PPFIA2: variants seen among roughly 807,000 people sequenced by gnomAD.
The protein encoded by PPFIA2 is PPFI scaffold protein A2.
In PPFIA2, 46 loss-of-function variants were observed where a neutral mutation model predicts 175.5. The ratio of observed to expected loss-of-function variants is 0.26; its 90% CI spans 0.21 to 0.34. The LOEUF is 0.34. Among genes scored for constraint, PPFIA2 ranks in the 10% least tolerant of loss-of-function variants. The pLI, the probability that PPFIA2 is intolerant of heterozygous loss-of-function variation, is 1.00. For synonymous variants in PPFIA2, 568 were observed against 511.4 expected, an observed-to-expected ratio of 1.11 and a Z score of -1.49; for missense variants, 1,179 against 1,506.1, an observed-to-expected ratio of 0.78 and a Z score of 3.60.
At chr12:81,535,554 C>A (rs924760852) in intron 4 of PPFIA2, 1 of 439,430 alleles carries the variant, frequency 2.3e-6, no homozygotes, top group Non-Finnish European at 4.6e-6. Context: ...AAAATACATA[C>A]ATTTCTCTGT....
Position 81,742,344 on chromosome 12 carries a change from T to C in PPFIA2, c.249+11629A>G, listed in dbSNP as rs1467395630. 2.0e-5 allele frequency among the ~76,000 whole-genome samples: 3 copies of C among 152,154 alleles called. No homozygotes were observed. The South Asian group carries it at 6.2e-4, about 32-fold the overall frequency. ...CAAGCAAGGAGAACAGTTAGGAAAATTTCATCTGATTCGGGTAAGAGATGG... is the reference window on the plus strand; with the variant it reads ...CAAGCAAGGAGAACAGTTAGGAAAACTTCATCTGATTCGGGTAAGAGATGG... On this transcript the variant is annotated intron_variant, in intron 3 of 32. Transcript: ENST00000549396.
In PPFIA2 at chr12:81,463,227, A is replaced by C. The variant is rs376301036; in HGVS notation, c.304-5361T>G. 2.6e-5 allele frequency among the ~76,000 whole-genome samples: 4 copies of C among 152,282 alleles called. No homozygotes were observed. In the East Asian group the frequency reaches 5.8e-4, roughly 22 times the overall value. ...AATATAATTTTGAGTGAAAAAGGTA[A>C]GAAACAGAATACAATGTATAACACA... On this transcript the variant is annotated intron_variant, in intron 4 of 32. Transcript: ENST00000549396.
intron 4 of PPFIA2, among the ~76,000 whole-genome samples, chr12:81,564,361 G>A (rs2070849104): frequency 6.6e-6 from 1 of 152,158 alleles, no homozygotes; most frequent in African/African-American, 2.4e-5. Flanking sequence ...GGAGACACTT[G>A]CACACAAATT....
intron 4 of PPFIA2, among the ~76,000 whole-genome samples, chr12:81,530,566 G>A (rs186238192): frequency 5.8e-4 from 88 of 151,894 alleles, no homozygotes; most frequent in Non-Finnish European, 8.0e-4. Flanking sequence ...AAAAGAGGGC[G>A]AAGTGTGGCA....
chr12:81,718,020 C>A (rs1417786691), intron 3 of PPFIA2, among the ~76,000 whole-genome samples: 2 of 151,588 alleles, frequency 1.3e-5, no homozygotes, highest in African/African-American at 4.8e-5. Context: ...TGGAGAGGCA[C>A]CTCCTATTTG....
chr12:81,374,896 C>T, intron 10 of PPFIA2, 128 bp from the exon 11 acceptor site: 1 of 784,870 alleles, frequency 1.3e-6, no homozygotes. Context: ...CCTAAATGTG[C>T]AAAGTGTTGA....
At chr12:81,373,004 T>G (rs978526772) in intron 11 of PPFIA2, among the ~76,000 whole-genome samples, 1 of 151,756 alleles carries the variant, frequency 6.6e-6, no homozygotes, top group Non-Finnish European at 1.5e-5. Context: ...GGCACCTAAT[T>G]CCAGTTATTT....
chr12:81,339,926 T>G (rs2057772593), intron 20 of PPFIA2, among the ~76,000 whole-genome samples: 2 of 152,120 alleles, frequency 1.3e-5, no homozygotes, highest in Non-Finnish European at 2.9e-5. Flanking sequence ...ACTCAAATAT[T>G]ATTTTAAATA....
At chr12:81,681,528 T>C (rs2073633117) in intron 3 of PPFIA2, among the ~76,000 whole-genome samples, 1 of 151,992 alleles carries the variant, frequency 6.6e-6, no homozygotes, top group South Asian at 2.1e-4. Context: ...GGAGTCTACA[T>C]TGCACTGCAT....
intron 3 of PPFIA2, among the ~76,000 whole-genome samples, chr12:81,687,168 T>C (rs2074543022): frequency 6.6e-6 from 1 of 152,048 alleles, no homozygotes; most frequent in African/African-American, 2.4e-5. Flanking sequence ...GTTACTTCTG[T>C]ACTCAAAATA....
chr12:81,309,414 C>T (rs1177019408), intron 22 of PPFIA2, among the ~76,000 whole-genome samples: 1 of 151,996 alleles, frequency 6.6e-6, no homozygotes, highest in Non-Finnish European at 1.5e-5. Flanking sequence ...CAATCAGTTG[C>T]TTCAGAAGAT....
chr12:81,379,820 C>A (rs181153887), intron 9 of PPFIA2, among the ~76,000 whole-genome samples: 11 of 152,240 alleles, frequency 7.2e-5, no homozygotes, highest in Admixed American at 6.5e-4. Context: ...ATCAGTGGAA[C>A]ATATTTATAA....
chr12:81,370,317 G>T (rs573132681), intron 11 of PPFIA2, among the ~76,000 whole-genome samples: 1 of 151,674 alleles, frequency 6.6e-6, no homozygotes, highest in African/African-American at 2.4e-5. Context: ...ATGACTTCTG[G>T]TCTCTGAATG....
chr12:81,520,607 T>G (rs1018744451), intron 4 of PPFIA2, among the ~76,000 whole-genome samples: 1 of 152,186 alleles, frequency 6.6e-6, no homozygotes, highest in African/African-American at 2.4e-5. Context: ...ACCTACTACA[T>G]GTCAGGTGCT....
At chr12:81,624,509 A>G (rs556150272) in intron 4 of PPFIA2, among the ~76,000 whole-genome samples, 1 of 146,802 alleles carries the variant, frequency 6.8e-6, no homozygotes, top group South Asian at 2.1e-4. Flanking sequence ...ATATATTATT[A>G]TATGTATAAT....
chr12:81,488,930 T>C lies in PPFIA2; in HGVS notation c.304-31064A>G, dbSNP rs181105406. Among the ~76,000 whole-genome samples the C allele has an allele frequency of 2.2e-4, 33 of 151,958 alleles. 1 individual carries two copies. The Middle Eastern group carries it at 0.01, about 47-fold the overall frequency. ...TGAATAAGCTACCTAATGGAATATA[T>C]GTATACAATTAGGCACAGCGCAATG... is the stretch of plus-strand genomic sequence containing the variant. On this transcript the variant is annotated intron_variant, in intron 4 of 32. Coordinates refer to ENST00000549396, the MANE Select transcript of PPFIA2 (RefSeq NM_003625.5).
intron 21 of PPFIA2, among the ~76,000 whole-genome samples, chr12:81,334,455 T>A (rs2056734880): frequency 6.7e-6 from 1 of 149,784 alleles, no homozygotes; most frequent in South Asian, 2.1e-4. Flanking sequence ...ATAAATAAAT[T>A]ATTTTGGATT....
chr12:81,335,744 AAACAACAACAACAACAACAAC>A (rs142716386), intron 21 of PPFIA2, among the ~76,000 whole-genome samples: 24,437 of 149,416 alleles, frequency 0.16, 2,759 homozygotes, highest in East Asian at 0.42. Context: ...TTCTGTCTAA[AAACAACAACAACAACAACAAC>A]AACAACAACA....
At chr12:81,733,493 A>C (rs2153643764) in intron 3 of PPFIA2, among the ~76,000 whole-genome samples, 1 of 151,772 alleles carries the variant, frequency 6.6e-6, no homozygotes, top group East Asian at 1.9e-4. Flanking sequence ...AAAAAATAAT[A>C]AAATAAAATG....
Sources: gnomAD v4.1 joint callset for allele counts (sites outside exome capture counted in the v4.1 genomes callset) on GRCh38, gnomAD v4.1.1 for gene constraint, MANE v1.5 for transcripts, NCBI Gene and HGNC (gene_info 2026-07-23, HGNC 2026-07-21) for gene names.